Variants in ADAMTS16 observed in about 807,000 individuals in gnomAD.
The protein encoded by ADAMTS16 is A disintegrin and metalloproteinase with thrombospondin motifs 16.
ADAMTS16 carries 94 observed loss-of-function variants against 145.8 expected under a neutral mutation model. The ratio of observed to expected loss-of-function variants is 0.64; its 90% CI spans 0.55 to 0.77. The LOEUF is 0.77. ADAMTS16 is among the 30% of genes least tolerant of loss of function. The pLI, the probability that ADAMTS16 is intolerant of heterozygous loss-of-function variation, is 0.00. For synonymous variants in ADAMTS16, 659 were observed against 604.3 expected (o/e 1.09, Z -1.33); for missense variants, 1,585 against 1,591.5 (o/e 1.00, Z 0.07).
intron 3 of ADAMTS16, among the ~76,000 whole-genome samples, chr5:5,167,643 C>G (rs111760345): frequency 5.9e-5 from 9 of 152,306 alleles, no homozygotes; most frequent in Admixed American, 3.9e-4. Flanking sequence ...GCTATGTGTG[C>G]TACTTATACA....
intron 17 of ADAMTS16, among the ~76,000 whole-genome samples, chr5:5,253,869 G>A (rs2913648): frequency 0.96 from 145,603 of 152,266 alleles, 69,841 homozygotes; most frequent in Non-Finnish European, 1. Context: ...CCATGAATGC[G>A]GATGTCTAAC....
intron 10 of ADAMTS16, 51 bp from the exon 11 acceptor site, chr5:5,222,738 T>A: frequency 7.1e-7 from 1 of 1,416,390 alleles, no homozygotes. Flanking sequence ...TTATTATAGA[T>A]GAATTGACAA....
At position 5,320,058 on chromosome 5, in the gene ADAMTS16, T is replaced by C; in HGVS notation, c.*920T>C. On this transcript the variant is annotated 3_prime_UTR_variant, in exon 23 of 23. Transcript: ENST00000274181. The surrounding 1 kb of genome is among the most constrained non-coding windows in gnomAD (Gnocchi z 5.1). The stretch of plus-strand genomic sequence containing the variant: ...GACAATAACCTTAGAGTCCTGTGTT[T>C]TGTTTTTGTGTGTTGTGAGATTTTA... The C allele has an allele frequency of 2.7e-6, 1 of 372,164 alleles. No homozygotes were observed. 23.1% of individuals were successfully genotyped at this position (372,164 alleles called of 1,614,324 possible).
intron 10 of ADAMTS16, among the ~76,000 whole-genome samples, chr5:5,214,578 A>AT (rs1736371011): frequency 6.6e-6 from 1 of 151,852 alleles, no homozygotes. Flanking sequence ...AATTTTTTGT[A>AT]TTTTTTGTTG....
intron 13 of ADAMTS16, among the ~76,000 whole-genome samples, chr5:5,236,617 T>G (rs1381038339): frequency 6.6e-6 from 1 of 151,062 alleles, no homozygotes; most frequent in Admixed American, 6.6e-5. Flanking sequence ...AATGGCAGTT[T>G]TTTTTTTTGG....
chr5:5,272,047 T>C (rs1035937932), intron 18 of ADAMTS16, among the ~76,000 whole-genome samples: 1 of 152,152 alleles, frequency 6.6e-6, no homozygotes, highest in Non-Finnish European at 1.5e-5. Context: ...AGCAATTTCC[T>C]TTTCTGTAGT....
At chr5:5,248,109 C>T (rs565499411) in intron 17 of ADAMTS16, among the ~76,000 whole-genome samples, 6 of 152,282 alleles carry the variant, frequency 3.9e-5, no homozygotes, top group East Asian at 1.9e-4. Flanking sequence ...TATGGAACAC[C>T]GTCTGGTTTT....
chr5:5,201,676 G>A (rs1376873705), intron 9 of ADAMTS16, among the ~76,000 whole-genome samples: 1 of 147,690 alleles, frequency 6.8e-6, no homozygotes, highest in African/African-American at 2.6e-5. Context: ...AGCAGGTTTG[G>A]TGGAAGAAAA....
chr5:5,208,069 T>A (rs1462088234), intron 9 of ADAMTS16, among the ~76,000 whole-genome samples: 1 of 152,228 alleles, frequency 6.6e-6, no homozygotes, highest in Admixed American at 6.5e-5. Context: ...TCTGCTCCAA[T>A]TTATTGGAAG....
intron 17 of ADAMTS16, among the ~76,000 whole-genome samples, chr5:5,245,055 T>C (rs1249195070): frequency 6.6e-6 from 1 of 152,232 alleles, no homozygotes; most frequent in Non-Finnish European, 1.5e-5. Flanking sequence ...TAAGTGGTTA[T>C]TTTGATTAAG....
chr5:5,142,958 G>A, intron 2 of ADAMTS16, among the ~76,000 whole-genome samples: 1 of 152,112 alleles, frequency 6.6e-6, no homozygotes. Context: ...AATGGGGAAA[G>A]GATTCCCTAT....
chr5:5,222,840 A>C lies in ADAMTS16; in HGVS notation c.1657A>C (p.Lys553Gln). The part of the protein sequence containing the change: ...CHRIGRKCET[K>Q]FMPAAEGTIC... ...TCGTATTGGAAGGAAATGTGAGACT[A>C]AATTTATGCCAGCAGCAGAAGGCAC... The change falls in exon 11 of 23, where the codon AAA becomes CAA. Residue 553 changes from lysine to glutamine, a missense_variant. Transcript: ENST00000274181. The C allele has an allele frequency of 6.2e-7, 1 of 1,614,164 alleles. No homozygotes were observed. Among genetic ancestry groups the C allele is most frequent in the Non-Finnish European group, 8.5e-7 (1 of 1,179,998 alleles).
chr5:5,195,037 C>T (rs1735764256), intron 8 of ADAMTS16, among the ~76,000 whole-genome samples: 1 of 152,076 alleles, frequency 6.6e-6, no homozygotes, highest in Non-Finnish European at 1.5e-5. Flanking sequence ...ATCTGTCCTC[C>T]TAAGTTCCAC....
At chr5:5,213,331 T>C (rs1433539779) in intron 10 of ADAMTS16, among the ~76,000 whole-genome samples, 1 of 152,186 alleles carries the variant, frequency 6.6e-6, no homozygotes, top group Admixed American at 6.5e-5. Flanking sequence ...TTATCTCCAA[T>C]TTTCTTTATC....
At chr5:5,286,095 T>C (rs111526621) in intron 18 of ADAMTS16, among the ~76,000 whole-genome samples, 90 of 152,338 alleles carry the variant, frequency 5.9e-4, no homozygotes, top group African/African-American at 2.0e-3. Flanking sequence ...TTATAAATGC[T>C]ACATGGGTTG....
intron 17 of ADAMTS16, among the ~76,000 whole-genome samples, chr5:5,244,504 A>G (rs1737383148): frequency 6.6e-6 from 1 of 152,184 alleles, no homozygotes; most frequent in African/African-American, 2.4e-5. Flanking sequence ...CTCCTTAGAA[A>G]TTTTGAACAA....
At chr5:5,290,524 G>T (rs563107586) in intron 18 of ADAMTS16, among the ~76,000 whole-genome samples, 1 of 152,132 alleles carries the variant, frequency 6.6e-6, no homozygotes, top group Non-Finnish European at 1.5e-5. Context: ...ACGTGGTGGT[G>T]CATACCTGTA....
chr5:5,307,249 C>A (rs182666156), intron 21 of ADAMTS16, among the ~76,000 whole-genome samples: 1 of 152,158 alleles, frequency 6.6e-6, no homozygotes, highest in Non-Finnish European at 1.5e-5. Context: ...TTTCTGCTTT[C>A]GGGTCGGGGT....
intron 17 of ADAMTS16, among the ~76,000 whole-genome samples, 155 bp from the exon 18 acceptor site, chr5:5,262,502 A>T (rs993006057): frequency 9.2e-5 from 14 of 152,252 alleles, no homozygotes; most frequent in African/African-American, 3.4e-4. Context: ...CAGGTCAGAA[A>T]AGTGGAGTAT....
Sources: allele counts gnomAD v4.1 joint callset (sites outside exome capture counted in the v4.1 genomes callset), GRCh38; gene constraint gnomAD v4.1.1; non-coding constraint Gnocchi (gnomAD v3.1); transcripts MANE v1.5; gene names NCBI Gene and HGNC (gene_info 2026-07-23, HGNC 2026-07-21).